Variants in ZHX3 observed in about 807,000 individuals in gnomAD.
ZHX3 encodes the protein zinc fingers and homeoboxes protein 3.
Under a neutral mutation model 64.5 loss-of-function variants are expected in ZHX3, and 20 were observed. The observed-to-expected ratio is 0.31, with a 90% CI of 0.22 to 0.45. The LOEUF (loss-of-function observed/expected upper bound fraction) is 0.45. Among genes scored for constraint, ZHX3 ranks in the 20% least tolerant of loss-of-function variants. The pLI is 1.00. For missense variants in ZHX3, 1,041 were observed against 1,195.8 expected (o/e 0.87, Z 1.91); for synonymous variants, 423 against 461.6 (o/e 0.92, Z 1.07).
intron 3 of ZHX3, among the ~76,000 whole-genome samples, chr20:41,193,516 G>T (rs1317148219): frequency 6.6e-6 from 1 of 152,028 alleles, no homozygotes. Flanking sequence ...TCACTATGTT[G>T]CCCAGGCTGG....
intron 1 of ZHX3, among the ~76,000 whole-genome samples, chr20:41,278,328 A>G (rs2043494340): frequency 7.3e-6 from 1 of 137,804 alleles, no homozygotes; most frequent in Non-Finnish European, 1.6e-5. Context: ...TGGGTGACAG[A>G]GAGAGACCCT....
intron 1 of ZHX3, among the ~76,000 whole-genome samples, chr20:41,281,229 T>C (rs1320399930): frequency 6.6e-6 from 1 of 150,876 alleles, no homozygotes; most frequent in African/African-American, 2.4e-5. Context: ...TAGACTCTCA[T>C]ATATCCCTAA....
At chr20:41,249,435 A>G (rs1371862121) in intron 2 of ZHX3, among the ~76,000 whole-genome samples, 1 of 152,192 alleles carries the variant, frequency 6.6e-6, no homozygotes, top group Admixed American at 6.5e-5. Flanking sequence ...TTATTCAGTG[A>G]GCATAAGAAC....
At chr20:41,251,220 A>G (rs2041977615) in intron 2 of ZHX3, among the ~76,000 whole-genome samples, 1 of 152,118 alleles carries the variant, frequency 6.6e-6, no homozygotes, top group African/African-American at 2.4e-5. Flanking sequence ...CTAAAGCAGG[A>G]ATATTGCTTG....
chr20:41,246,024 G>A (rs1456664435), intron 2 of ZHX3, among the ~76,000 whole-genome samples: 1 of 152,160 alleles, frequency 6.6e-6, no homozygotes, highest in Non-Finnish European at 1.5e-5. Context: ...ACTAGGAGCT[G>A]ATCCATTAAC....
At chr20:41,187,649 T>C (rs1369885214) in intron 3 of ZHX3, among the ~76,000 whole-genome samples, 2 of 152,234 alleles carry the variant, frequency 1.3e-5, no homozygotes, top group Non-Finnish European at 2.9e-5. Context: ...CTTATGCCAG[T>C]ACCACACTGT....
intron 2 of ZHX3, among the ~76,000 whole-genome samples, chr20:41,248,721 G>A (rs2146494272): frequency 6.6e-6 from 1 of 152,320 alleles, no homozygotes; most frequent in East Asian, 1.9e-4. Context: ...TGGAATGAAT[G>A]TGGGCAATCG....
In ZHX3 at chr20:41,185,191, T is replaced by G; in HGVS notation, c.2871A>C (p.Ter957CysextTer2). ...PQAGRQLETD[*>C] is the part of the protein sequence containing the mutation. ...GTCCTTCACATTAATCAGATCAAAT[T>G]CAGTCTGTTTCTGAGAAGAAAACAC... The change falls in exon 4 of 4, where the codon TGA (stop) becomes TGC (cysteine). Residue 957 changes from the stop codon to cysteine, a stop_lost. Transcript: ENST00000683867. The surrounding 1 kb of genome is among the most constrained non-coding windows in gnomAD (Gnocchi z 5.0). The G allele has an allele frequency of 6.2e-7, 1 of 1,609,048 alleles. No individual in the cohort carries two copies. Among genetic ancestry groups the G allele is most frequent in the East Asian group, 2.2e-5 (1 of 44,816 alleles).
At chr20:41,286,701 T>A (rs2043953604) in intron 1 of ZHX3, among the ~76,000 whole-genome samples, 1 of 152,170 alleles carries the variant, frequency 6.6e-6, no homozygotes, top group Non-Finnish European at 1.5e-5. Flanking sequence ...TCTTCTCTTC[T>A]CCCCTTGATT....
chr20:41,253,367 G>A (rs1237348775), intron 2 of ZHX3, among the ~76,000 whole-genome samples: 2 of 152,050 alleles, frequency 1.3e-5, no homozygotes, highest in Admixed American at 6.5e-5. Context: ...TGTGAGGACT[G>A]AATAATGTAT....
rs548946775 is a variant in ZHX3, at chr20:41,202,923, T to G, written c.1994A>C (p.Lys665Thr). The G allele has an allele frequency of 7.4e-6, 12 of 1,614,148 alleles. No homozygotes were observed. In the East Asian group the frequency reaches 2.7e-4, roughly 36 times the overall value. ...EIDSWFSERR[K>T]KVNAEETKKA... ...CTTGGTCTCCTCAGCATTCACTTTT[T>G]TCCGTCTCTCTGAAAACCAGCTATC... Residue 665 changes from lysine (K) to threonine (T), a missense_variant, in exon 3 of 4, where the codon AAA becomes ACA. Lys to Thr is a moderately conservative substitution (Grantham distance 78). This residue lies in a region of ZHX3 where 649 missense variants were observed against 739.8 expected (regional missense o/e 0.88). Transcript: ENST00000683867. This position sits in a 1 kb window ranked among gnomAD's most constrained non-coding sequence, Gnocchi z 7.0.
chr20:41,213,247 A>C (rs1246656763), intron 2 of ZHX3, among the ~76,000 whole-genome samples: 1 of 152,134 alleles, frequency 6.6e-6, no homozygotes, highest in African/African-American at 2.4e-5. Context: ...AGGCAATGAA[A>C]ATTGTTCTGA....
chr20:41,259,241 G>C (rs1178302471), intron 2 of ZHX3, among the ~76,000 whole-genome samples: 5 of 152,116 alleles, frequency 3.3e-5, no homozygotes, highest in Non-Finnish European at 7.4e-5. Flanking sequence ...AGACTTCTTT[G>C]TAAATCTGAT....
intron 2 of ZHX3, among the ~76,000 whole-genome samples, chr20:41,260,231 T>C (rs2042489099): frequency 6.6e-6 from 1 of 150,666 alleles, no homozygotes; most frequent in Non-Finnish European, 1.5e-5. Flanking sequence ...TCTTAAATAG[T>C]TTTGAAGTTC....
rs1323855851 is a variant in ZHX3, at chr20:41,200,974, A to G, written c.2860+1083T>C. ...AAGCAACTGGGGTGGAGGAGCTGGG[A>G]TTTGCCAGGCCAAAATAAACAAACA... On this transcript the variant is annotated intron_variant, in intron 3 of 3. Coordinates refer to ENST00000683867, the MANE Select transcript of ZHX3 (RefSeq NM_001384317.1). This position sits in a 1 kb window ranked among gnomAD's most constrained non-coding sequence, Gnocchi z 4.2. Among the ~76,000 whole-genome samples, 1 of 152,194 alleles carries G rather than the reference A, an allele frequency of 6.6e-6. No individual in the cohort carries two copies. The highest frequency in any genetic ancestry group is 2.4e-5 in the African/African-American group (1 of 41,438).
At position 41,210,590 on chromosome 20, in the gene ZHX3, C is replaced by G. The variant is rs928687039; in HGVS notation, c.-150-5524G>C. ...GAAACCATCATTCTGAGCAAACTAT[C>G]ACAAGGACAGAAAACCAAACACCAC... On this transcript the variant is annotated intron_variant, in intron 2 of 3. Coordinates refer to ENST00000683867, the MANE Select transcript of ZHX3 (RefSeq NM_001384317.1). Among the ~76,000 whole-genome samples, 17 of 152,244 alleles carry G rather than the reference C, an allele frequency of 1.1e-4. No homozygotes were observed. In the South Asian group the frequency reaches 1.7e-3, roughly 15 times the overall value.
chr20:41,206,362 A>C (rs2038710698), intron 2 of ZHX3, among the ~76,000 whole-genome samples: 1 of 152,234 alleles, frequency 6.6e-6, no homozygotes, highest in Non-Finnish European at 1.5e-5. Context: ...CTCTGAGCTA[A>C]AGGAGGATGC....
In ZHX3 at chr20:41,269,041, T is replaced by A. The variant is rs555489554; in HGVS notation, c.-202A>T. On this transcript the variant is annotated 5_prime_UTR_variant, in exon 2 of 4. An upstream start codon of the reference 5' UTR is lost. Transcript: ENST00000683867. Reference sequence around the variant, plus strand: ...TTCACTTTATGCAGTCCCACAAGCATCTCTAAAAGGTCACATGTTGCTTCT... The same window carrying A: ...TTCACTTTATGCAGTCCCACAAGCAACTCTAAAAGGTCACATGTTGCTTCT... 2.0e-5 allele frequency: 3 copies of A among 152,226 alleles called. No homozygotes were observed. Among genetic ancestry groups the A allele is most frequent in the Non-Finnish European group, 4.4e-5 (3 of 68,038 alleles). The allele number at this position is 152,226 out of a possible 1,614,324, so 9.4% of individuals were successfully genotyped here.
chr20:41,200,951 G>A lies in ZHX3; in HGVS notation c.2860+1106C>T, dbSNP rs2038168890. On this transcript the variant is annotated intron_variant, in intron 3 of 3. Coordinates refer to ENST00000683867, the MANE Select transcript of ZHX3 (RefSeq NM_001384317.1). The surrounding 1 kb of genome is among the most constrained non-coding windows in gnomAD (Gnocchi z 4.2). Reference sequence around the variant, plus strand: ...CTTTTTAAGACATCCTAAGTAGAAAGCAACTGGGGTGGAGGAGCTGGGATT... The same window carrying A: ...CTTTTTAAGACATCCTAAGTAGAAAACAACTGGGGTGGAGGAGCTGGGATT... Among the ~76,000 whole-genome samples, 1 of 152,190 alleles carries A rather than the reference G, an allele frequency of 6.6e-6. No individual in the cohort carries two copies. The highest frequency in any genetic ancestry group is 1.5e-5 in the Non-Finnish European group (1 of 68,030).
Sources: allele counts gnomAD v4.1 joint callset (sites outside exome capture counted in the v4.1 genomes callset), GRCh38; gene constraint gnomAD v4.1.1; regional missense constraint gnomAD v4.1.1; non-coding constraint Gnocchi (gnomAD v3.1); transcripts MANE v1.5; gene names NCBI Gene and HGNC (gene_info 2026-07-23, HGNC 2026-07-21).